The following DHRS2 variants were observed in gnomAD, a reference collection of about 807,000 sequenced individuals.
DHRS2 encodes the protein dehydrogenase/reductase 2.
A neutral mutation model predicts 26.3 loss-of-function variants in DHRS2; 29 were observed. The ratio of observed to expected loss-of-function variants is 1.10; its 90% CI spans 0.82 to 1.50. The LOEUF is 1.50. Among genes scored for constraint, DHRS2 ranks in the 40% most tolerant of loss-of-function variants. DHRS2 has a pLI of 0.00. For synonymous variants in DHRS2, 164 were observed against 151.3 expected, an observed-to-expected ratio of 1.08 and a Z score of -0.62; for missense variants, 439 against 367.1, an observed-to-expected ratio of 1.20 and a Z score of -1.60.
rs757863804 is a variant in DHRS2 at position 23,645,226 on chromosome 14, G to A, written c.816G>A (p.Ala272=). The A allele has an allele frequency of 6.4e-5, 104 of 1,614,026 alleles. No homozygotes were observed. Among genetic ancestry groups the A allele is most frequent in the Middle Eastern group, 3.3e-4 (2 of 6,084 alleles). ...GCTACGTCAACGGGGAGAACATTGC[G>A]GTGGCAGGCTACTCCACTCGGCTCT... ...DASYVNGENI[A]VAGYSTRL Residue 272 remains alanine, a synonymous_variant, in exon 9 of 9, where the codon GCG becomes GCA. Coordinates refer to ENST00000250383, the MANE Select transcript of DHRS2 (RefSeq NM_005794.4).
chr14:23,645,234 G>T lies in DHRS2; in HGVS notation c.824G>T (p.Gly275Val). ...AACGGGGAGAACATTGCGGTGGCAG[G>T]CTACTCCACTCGGCTCTGAGAGGAG... ...YVNGENIAVA[G>V]YSTRL The change falls in exon 9 of 9, where the codon GGC becomes GTC. Residue 275 changes from glycine to valine, a missense_variant. Transcript: ENST00000250383. The T allele has an allele frequency of 6.2e-7, 1 of 1,614,144 alleles. No homozygotes were observed. Among genetic ancestry groups the T allele is most frequent in the Non-Finnish European group, 8.5e-7 (1 of 1,180,032 alleles).
chr14:23,644,155 C>T lies in DHRS2; in HGVS notation c.533C>T (p.Pro178Leu). 1 of 1,614,118 alleles carries T rather than the reference C, an allele frequency of 6.2e-7. No homozygotes were observed. The highest frequency in any genetic ancestry group is 8.5e-7 in the Non-Finnish European group (1 of 1,179,998). Residue 178 changes from proline (P) to leucine (L), a missense_variant, in exon 6 of 9, where the codon CCA becomes CTA. Physicochemically the swap from Pro to Leu is moderately conservative, Grantham distance 98 (BLOSUM62 -3). Transcript: ENST00000250383. ...ILVSSIAAYN[P>L]VVALGVYNVS... Reference sequence around the variant, plus strand: ...GTCTCTTCCATTGCAGCTTATAATCCAGTAGTGGTAAGTGCTTGGTCCTTG... The same window carrying T: ...GTCTCTTCCATTGCAGCTTATAATCTAGTAGTGGTAAGTGCTTGGTCCTTG...
Position 23,644,255 on chromosome 14 carries a change from A to G in DHRS2, c.540+93A>G. On this transcript the variant is annotated intron_variant, in intron 6 of 8. Coordinates refer to ENST00000250383, the MANE Select transcript of DHRS2 (RefSeq NM_005794.4). ...GCCTTACAGACAAAGTGCCTGGGAC[A>G]GACCCCCACCATCCTCCTGCTGCCC... 1.9e-6 allele frequency: 3 copies of G among 1,565,568 alleles called. No homozygotes were observed. The South Asian group carries it at 3.3e-5, about 17-fold the overall frequency.
At chr14:23,635,844 G>A (rs561212727), upstream of DHRS2, among the ~76,000 whole-genome samples, 11 of 152,346 alleles carry the variant, frequency 7.2e-5, no homozygotes, top group South Asian at 1.9e-3. Flanking sequence ...GGCACTCACC[G>A]GCCAGCAGGG....
At chr14:23,643,438 T>G (rs1890749669) in intron 5 of DHRS2, 1 of 550,322 alleles carries the variant, frequency 1.8e-6, no homozygotes, top group African/African-American at 1.9e-5. Flanking sequence ...AGGCATAGCC[T>G]CCTTGGCCTT....
At chr14:23,641,953 TC>T in intron 4 of DHRS2, 2 of 1,158,066 alleles carry the variant, frequency 1.7e-6, no homozygotes, top group Non-Finnish European at 2.2e-6. Context: ...GCCATGTCAG[TC>T]CCACCTGGCA....
chr14:23,635,108 G>A (rs756915925), upstream of DHRS2, among the ~76,000 whole-genome samples: 2 of 151,854 alleles, frequency 1.3e-5, no homozygotes, highest in Non-Finnish European at 2.9e-5. Flanking sequence ...TCTCTCCCAG[G>A]CTGGAGTACG....
upstream of DHRS2, among the ~76,000 whole-genome samples, chr14:23,634,661 G>T (rs1352373572): frequency 2.0e-5 from 3 of 152,034 alleles, no homozygotes; most frequent in African/African-American, 7.2e-5. Flanking sequence ...TTCCATTATA[G>T]AAATGCAACA....
chr14:23,634,170 C>T (rs1358224386), upstream of DHRS2, among the ~76,000 whole-genome samples: 1 of 140,376 alleles, frequency 7.1e-6, no homozygotes, highest in Non-Finnish European at 1.5e-5. Flanking sequence ...TGGGTTCAAG[C>T]GACTCTCCTG....
intron 4 of DHRS2, chr14:23,641,822 A>G: frequency 1.6e-6 from 2 of 1,266,708 alleles, no homozygotes; most frequent in Non-Finnish European, 2.0e-6. Context: ...TGGGAGTGAG[A>G]TTGGGGGGTG....
At chr14:23,641,594 G>T in intron 4 of DHRS2, 2 of 1,288,132 alleles carry the variant, frequency 1.6e-6, no homozygotes, top group Non-Finnish European at 2.0e-6. Context: ...CAGATATCCT[G>T]TGGGCTGGTT....
At chr14:23,640,347 G>C in intron 4 of DHRS2, 1 of 985,468 alleles carries the variant, frequency 1.0e-6, no homozygotes, top group Non-Finnish European at 1.2e-6. Context: ...CTAGAAGGGG[G>C]CTCCTCACTG....
upstream of DHRS2, among the ~76,000 whole-genome samples, chr14:23,633,120 C>T (rs1890167560): frequency 6.6e-6 from 1 of 152,234 alleles, no homozygotes; most frequent in African/African-American, 2.4e-5. Context: ...ACAAGCATCC[C>T]TGGCATTTTC....
At position 23,644,767 on chromosome 14, in the gene DHRS2, C is replaced by T. The variant is rs182370091; in HGVS notation, c.676-60C>T. On this transcript the variant is annotated intron_variant, in intron 7 of 8. Coordinates refer to ENST00000250383, the MANE Select transcript of DHRS2 (RefSeq NM_005794.4). ...TAGGTGTTCTGCCTGGTGGCCTTCCCGGGGCCCTGCCCATCTTGTTTTAGT... is the reference window on the plus strand; with the variant it reads ...TAGGTGTTCTGCCTGGTGGCCTTCCTGGGGCCCTGCCCATCTTGTTTTAGT... 511 of 1,592,972 alleles carry T rather than the reference C, an allele frequency of 3.2e-4. 1 individual carries two copies. Among genetic ancestry groups the T allele is most frequent in the Middle Eastern group, 1.2e-3 (7 of 5,964 alleles).
chr14:23,638,904 C>A lies in DHRS2; in HGVS notation c.40C>A (p.His14Asn). 6.2e-7 allele frequency: 1 copy of A among 1,614,214 alleles called. No homozygotes were observed. Among genetic ancestry groups the A allele is most frequent in the Non-Finnish European group, 8.5e-7 (1 of 1,180,036 alleles). ...TGCCCGGGGCTACCAGGGCTGGTTT[C>A]ATCCCTGTGCTAGGCTTTCTGTGAG... ...AVARGYQGWFHPCARLSVRMS... is the reference protein window; with the variant it reads ...AVARGYQGWFNPCARLSVRMS... The change falls in exon 2 of 9, where the codon CAT becomes AAT. Residue 14 changes from histidine to asparagine, a missense_variant. Coordinates refer to ENST00000250383, the MANE Select transcript of DHRS2 (RefSeq NM_005794.4).
chr14:23,644,791 GTAGCACTGA>G lies in DHRS2; in HGVS notation c.676-35_676-27del, dbSNP rs749079517. 5.0e-6 allele frequency: 8 copies of G among 1,612,012 alleles called. No individual in the cohort carries two copies. The Admixed American group carries it at 8.3e-5, about 17-fold the overall frequency. On this transcript the variant is annotated intron_variant, in intron 7 of 8. Coordinates refer to ENST00000250383, the MANE Select transcript of DHRS2 (RefSeq NM_005794.4). Reference sequence around the variant, plus strand: ...CCGGGGCCCTGCCCATCTTGTTTTAGTAGCACTGACTCCTTCATTTCTTCCCTTTGCCCA... The same window carrying G: ...CCGGGGCCCTGCCCATCTTGTTTTAGCTCCTTCATTTCTTCCCTTTGCCCA...
At chr14:23,638,722 C>A in intron 1 of DHRS2, 105 bp from the exon 2 acceptor site, 2 of 1,234,584 alleles carry the variant, frequency 1.6e-6, no homozygotes, top group Non-Finnish European at 2.2e-6. Context: ...TGACTCTCTG[C>A]CACTTTCTGT....
chr14:23,637,790 T>G (rs1424223698), intron 1 of DHRS2, among the ~76,000 whole-genome samples: 1 of 152,120 alleles, frequency 6.6e-6, no homozygotes, highest in Non-Finnish European at 1.5e-5. Context: ...CAATCAGCAC[T>G]CTGTGTCTAG....
chr14:23,644,060 A>G (rs190177754), intron 5 of DHRS2, 51 bp from the exon 6 acceptor site: 3 of 1,569,378 alleles, frequency 1.9e-6, no homozygotes, highest in African/African-American at 1.3e-5. Flanking sequence ...TAGTGTCACC[A>G]TCAGTGGTAA....
Sources: allele counts gnomAD v4.1 joint callset (sites outside exome capture counted in the v4.1 genomes callset), GRCh38; gene constraint gnomAD v4.1.1; transcripts MANE v1.5; gene names NCBI Gene and HGNC (gene_info 2026-07-23, HGNC 2026-07-21).